Variants in EPHA6 observed in about 807,000 individuals in gnomAD.
EPHA6 encodes the protein EPH receptor A6, also known as ephrin type-A receptor 6.
A neutral mutation model predicts 112.0 loss-of-function variants in EPHA6; 50 were observed. The ratio of observed to expected loss-of-function variants is 0.45; its 90% CI spans 0.36 to 0.56. The LOEUF (loss-of-function observed/expected upper bound fraction) is 0.56, where lower values mean the gene tolerates loss of function less well. Ranked by LOEUF, EPHA6 falls within the 20% of genes least tolerant of loss-of-function variation. The pLI, the probability that EPHA6 is intolerant of heterozygous loss-of-function variation, is 0.00. For missense variants in EPHA6, 1,280 were observed against 1,417.4 expected (o/e 0.90, Z 1.56); for synonymous variants, 529 against 490.7 (o/e 1.08, Z -1.03).
chr3:96,858,394 A>T (rs2035820274), intron 1 of EPHA6, among the ~76,000 whole-genome samples: 1 of 152,090 alleles, frequency 6.6e-6, no homozygotes. Flanking sequence ...AAAGTATAGA[A>T]CCCAGGAAGC....
At chr3:96,906,948 C>T (rs549855673) in intron 2 of EPHA6, among the ~76,000 whole-genome samples, 5 of 151,692 alleles carry the variant, frequency 3.3e-5, no homozygotes, top group African/African-American at 4.8e-5. Flanking sequence ...TCTGGAATTT[C>T]GGTGGGAGTG....
intron 11 of EPHA6, among the ~76,000 whole-genome samples, chr3:97,583,951 T>A (rs149540487): frequency 6.6e-6 from 1 of 152,296 alleles, no homozygotes; most frequent in East Asian, 1.9e-4. Context: ...ACTTCTTAGA[T>A]AAAAGAACTT....
At chr3:97,346,253 G>A (rs962710441) in intron 5 of EPHA6, among the ~76,000 whole-genome samples, 1 of 151,984 alleles carries the variant, frequency 6.6e-6, no homozygotes, top group South Asian at 2.1e-4. Context: ...TTAGAGGCTG[G>A]ACAAAATTAA....
At chr3:97,543,469 C>G (rs2092897701) in intron 11 of EPHA6, among the ~76,000 whole-genome samples, 2 of 152,118 alleles carry the variant, frequency 1.3e-5, no homozygotes, top group African/African-American at 4.8e-5. Flanking sequence ...TGTTTTGGTA[C>G]CAGTACCATG....
At chr3:97,306,937 G>T (rs1423370890) in intron 5 of EPHA6, among the ~76,000 whole-genome samples, 3 of 150,626 alleles carry the variant, frequency 2.0e-5, no homozygotes, top group Non-Finnish European at 1.5e-5. Flanking sequence ...CAGCTTTGAG[G>T]TCAAATTTTG....
At chr3:97,310,278 T>C (rs1444886905) in intron 5 of EPHA6, among the ~76,000 whole-genome samples, 1 of 151,552 alleles carries the variant, frequency 6.6e-6, no homozygotes, top group Admixed American at 6.6e-5. Context: ...TGGCAGGCAA[T>C]GGGTGTTGTG....
intron 3 of EPHA6, among the ~76,000 whole-genome samples, chr3:97,091,237 C>A (rs1226312366): frequency 6.6e-6 from 1 of 152,066 alleles, no homozygotes; most frequent in East Asian, 1.9e-4. Context: ...ATGGAAAATT[C>A]CATAGTCTCA....
chr3:97,645,389 ATCAT>A (rs1322886604), intron 14 of EPHA6, among the ~76,000 whole-genome samples: 1 of 145,586 alleles, frequency 6.9e-6, no homozygotes, highest in Non-Finnish European at 1.5e-5. Context: ...ATTGGAAATC[ATCAT>A]TCTCAGTAAA....
At chr3:96,983,652 C>T (rs1265781959) in intron 2 of EPHA6, among the ~76,000 whole-genome samples, 1 of 152,140 alleles carries the variant, frequency 6.6e-6, no homozygotes, top group Non-Finnish European at 1.5e-5. Context: ...GAGTGTTTTC[C>T]AACTTGGTTC....
chr3:97,735,992 A>G lies in EPHA6; in HGVS notation c.3002A>G (p.Gln1001Arg). ...ATGGGCTGTCCAGCATCTCTACACC[A>G]GCTGATGCTCCACTGCTGGCAGAAG... ...APMGCPASLH[Q>R]LMLHCWQKER... is the part of the protein sequence containing the mutation. Residue 1001 changes from glutamine to arginine, a missense_variant, in exon 16 of 18, where the codon CAG becomes CGG. This residue lies in a region of EPHA6 where 37 missense variants were observed against 92.9 expected (regional missense o/e 0.40). Coordinates refer to ENST00000389672, the MANE Select transcript of EPHA6 (RefSeq NM_001080448.3). The G allele has an allele frequency of 6.2e-7, 1 of 1,612,700 alleles. No individual in the cohort carries two copies. The highest frequency in any genetic ancestry group is 8.5e-7 in the Non-Finnish European group (1 of 1,179,150).
At chr3:96,963,128 C>A (rs1267756847) in intron 2 of EPHA6, among the ~76,000 whole-genome samples, 1 of 147,096 alleles carries the variant, frequency 6.8e-6, no homozygotes, top group Non-Finnish European at 1.5e-5. Context: ...TGCCATTGCA[C>A]TCCAGCCTGG....
chr3:96,894,693 G>A (rs1427059768), intron 2 of EPHA6, among the ~76,000 whole-genome samples: 1 of 152,082 alleles, frequency 6.6e-6, no homozygotes, highest in Non-Finnish European at 1.5e-5. Context: ...ACAAGGTTGT[G>A]GTTGAGATGG....
intron 5 of EPHA6, among the ~76,000 whole-genome samples, chr3:97,393,432 A>G (rs756561749): frequency 1.1e-4 from 17 of 151,920 alleles, no homozygotes; most frequent in Non-Finnish European, 1.9e-4. Flanking sequence ...AATCACAGTC[A>G]TAAGACTTAT....
chr3:97,132,565 C>A (rs2075659856), intron 3 of EPHA6, among the ~76,000 whole-genome samples: 2 of 152,128 alleles, frequency 1.3e-5, no homozygotes, highest in East Asian at 3.9e-4. Flanking sequence ...TTTCCAGATG[C>A]TTGTGTTCCT....
At chr3:97,030,032 G>A (rs1215688576) in intron 3 of EPHA6, among the ~76,000 whole-genome samples, 1 of 152,068 alleles carries the variant, frequency 6.6e-6, no homozygotes, top group African/African-American at 2.4e-5. Flanking sequence ...GAAGGATAAA[G>A]TGACATGCAA....
intron 5 of EPHA6, among the ~76,000 whole-genome samples, chr3:97,292,848 T>A (rs1019792078): frequency 6.7e-6 from 1 of 148,394 alleles, no homozygotes; most frequent in Non-Finnish European, 1.5e-5. Flanking sequence ...AGGAGACCCG[T>A]GGTGGGTAGC....
chr3:97,681,341 A>G (rs2031846282), intron 14 of EPHA6, among the ~76,000 whole-genome samples: 1 of 152,134 alleles, frequency 6.6e-6, no homozygotes, highest in African/African-American at 2.4e-5. Flanking sequence ...TCAATTTGCA[A>G]CTTTTAGCCA....
intron 11 of EPHA6, chr3:97,590,287 A>C (rs1056572419): frequency 6.6e-6 from 1 of 152,226 alleles, no homozygotes; most frequent in African/African-American, 2.4e-5. Context: ...CATGGTAAAG[A>C]AACATAGCAG....
intron 11 of EPHA6, among the ~76,000 whole-genome samples, chr3:97,557,757 A>C (rs2093133010): frequency 6.6e-6 from 1 of 151,806 alleles, no homozygotes; most frequent in African/African-American, 2.4e-5. Flanking sequence ...ATACCTTCAC[A>C]CAGGAGTTTC....
Sources: gnomAD v4.1 joint callset for allele counts (sites outside exome capture counted in the v4.1 genomes callset) on GRCh38, gnomAD v4.1.1 for gene constraint, gnomAD v4.1.1 regional missense constraint, MANE v1.5 for transcripts, NCBI Gene and HGNC (gene_info 2026-07-23, HGNC 2026-07-21) for gene names.